SGPL1: variants seen among roughly 807,000 people sequenced by gnomAD.
SGPL1 encodes the protein sphingosine-1-phosphate lyase 1, also known as SP-lyase 1.
In SGPL1, 37 loss-of-function variants were observed where a neutral mutation model predicts 68.9. The ratio of observed to expected loss-of-function variants is 0.54; its 90% CI spans 0.41 to 0.71. SGPL1 has a LOEUF of 0.71. Ranked by LOEUF, SGPL1 falls within the 30% of genes least tolerant of loss-of-function variation. SGPL1 has a pLI of 0.00. For synonymous variants in SGPL1, 236 were observed against 248.5 expected (o/e 0.95, Z 0.47); for missense variants, 551 against 704.6 (o/e 0.78, Z 2.47).
chr10:70,816,315 G>T (rs1277607046), intron 1 of SGPL1, among the ~76,000 whole-genome samples, 189 bp downstream of exon 1: 1 of 151,458 alleles, frequency 6.6e-6, no homozygotes, highest in Non-Finnish European at 1.5e-5. Context: ...AGTGGACGGC[G>T]GGCGGGCGCG....
chr10:70,871,236 T>A (rs1846290351), intron 10 of SGPL1, 90 bp downstream of exon 10: 2 of 816,666 alleles, frequency 2.4e-6, no homozygotes, highest in South Asian at 3.6e-5. Context: ...AGAAGCGATT[T>A]TTTTTTTGTT....
intron 2 of SGPL1, among the ~76,000 whole-genome samples, chr10:70,819,627 C>CT (rs35734922): frequency 0.068 from 8,221 of 120,850 alleles, 600 homozygotes; most frequent in African/African-American, 0.15. Context: ...TGGGATGCAG[C>CT]TTTTTTTTTT....
At chr10:70,858,030 C>A (rs1162338590) in intron 6 of SGPL1, among the ~76,000 whole-genome samples, 3 of 152,216 alleles carry the variant, frequency 2.0e-5, no homozygotes, top group Non-Finnish European at 4.4e-5. Flanking sequence ...GAAACTCTTT[C>A]ATAATTTTCT....
At chr10:70,827,277 T>A (rs1010410642) in intron 2 of SGPL1, among the ~76,000 whole-genome samples, 1 of 152,234 alleles carries the variant, frequency 6.6e-6, no homozygotes, top group Admixed American at 6.5e-5. Context: ...TGTGGTTAAG[T>A]ACCCTTTTCA....
chr10:70,858,719 C>T (rs827256), intron 6 of SGPL1, among the ~76,000 whole-genome samples: 150,300 of 152,318 alleles, frequency 0.99, 74,189 homozygotes, highest in Middle Eastern at 1. Context: ...TACTTCTCTT[C>T]ATTTCCCACA....
chr10:70,847,355 G>T (rs959798713), intron 3 of SGPL1, among the ~76,000 whole-genome samples: 3 of 152,000 alleles, frequency 2.0e-5, no homozygotes, highest in Admixed American at 1.3e-4. Flanking sequence ...CGCCATGTTG[G>T]CCAGGCTGGT....
intron 4 of SGPL1, 73 bp from the exon 5 acceptor site, chr10:70,854,635 G>T: frequency 7.3e-7 from 1 of 1,365,892 alleles, no homozygotes; most frequent in East Asian, 2.3e-5. Flanking sequence ...GCAGTTGCTT[G>T]ACTGTCATAA....
intron 4 of SGPL1, among the ~76,000 whole-genome samples, chr10:70,853,814 C>T (rs1338564237): frequency 1.3e-5 from 2 of 152,238 alleles, no homozygotes; most frequent in Admixed American, 6.5e-5. Flanking sequence ...ACAGTGCAAG[C>T]TGTCGACAGC....
chr10:70,863,493 A>T (rs1383348657), intron 7 of SGPL1, among the ~76,000 whole-genome samples: 1 of 151,410 alleles, frequency 6.6e-6, no homozygotes, highest in African/African-American at 2.4e-5. Flanking sequence ...TATTTTATTT[A>T]TTTATTTTTT....
rs374076282 is a variant in SGPL1 at position 70,877,285 on chromosome 10, G to A, written c.1657G>A (p.Asp553Asn). ...SVFLDSLYST[D>N]TVTQGSQMNG... ...CTTCTTGGACAGCTTGTACAGCACCGACACTGTCACCCAGGGCAGCCAGAT... is the reference window on the plus strand; with the variant it reads ...CTTCTTGGACAGCTTGTACAGCACCAACACTGTCACCCAGGGCAGCCAGAT... Residue 553 changes from aspartate (D) to asparagine (N), a missense_variant, in exon 15 of 15, where the codon GAC (aspartate) becomes AAC (asparagine). By Grantham distance (23) the Asp-to-Asn change is conservative. Coordinates refer to ENST00000373202, the MANE Select transcript of SGPL1 (RefSeq NM_003901.4). 59 of 1,613,998 alleles carry A rather than the reference G, an allele frequency of 3.7e-5. No individual in the cohort carries two copies. Among genetic ancestry groups the A allele is most frequent in the Non-Finnish European group, 4.5e-5 (53 of 1,179,998 alleles).
chr10:70,837,457 T>C (rs1845643881), intron 2 of SGPL1, among the ~76,000 whole-genome samples: 1 of 152,208 alleles, frequency 6.6e-6, no homozygotes, highest in African/African-American at 2.4e-5. Flanking sequence ...AAATTAGTTT[T>C]ATTCCCTCTG....
Position 70,851,196 on chromosome 10 carries a change from A to T in SGPL1, c.247A>T (p.Ile83Phe), listed in dbSNP as rs769814262. 1.2e-6 allele frequency: 2 copies of T among 1,613,442 alleles called. No homozygotes were observed. Among genetic ancestry groups the T allele is most frequent in the South Asian group, 2.2e-5 (2 of 91,070 alleles). Residue 83 changes from isoleucine (I) to phenylalanine (F), a missense_variant, in exon 4 of 15, where the codon ATT becomes TTT. Coordinates refer to ENST00000373202, the MANE Select transcript of SGPL1 (RefSeq NM_003901.4). ...KCFKLTRKMPIIGRKIQDKLN... is the reference protein window; with the variant it reads ...KCFKLTRKMPFIGRKIQDKLN... ...TTTTAAGCTCACCAGGAAGATGCCC[A>T]TTATTGGTCGTAAGGTAAGTAGAAT...
intron 4 of SGPL1, among the ~76,000 whole-genome samples, chr10:70,854,387 C>G (rs913137137): frequency 6.6e-6 from 1 of 152,076 alleles, no homozygotes; most frequent in African/African-American, 2.4e-5. Flanking sequence ...GTTGGCCAGG[C>G]TGGTCTCGAA....
At chr10:70,862,423 C>G (rs572783097) in intron 7 of SGPL1, among the ~76,000 whole-genome samples, 1 of 152,234 alleles carries the variant, frequency 6.6e-6, no homozygotes, top group South Asian at 2.1e-4. Flanking sequence ...GACCACTTGG[C>G]TCTACCAATC....
At chr10:70,820,545 C>A (rs976568390) in intron 2 of SGPL1, 2 of 152,052 alleles carry the variant, frequency 1.3e-5, no homozygotes, top group African/African-American at 4.8e-5. Flanking sequence ...GAGGCTCAGG[C>A]GGGCAGAGTA....
At chr10:70,822,827 C>G (rs566651796) in intron 2 of SGPL1, among the ~76,000 whole-genome samples, 61 of 148,236 alleles carry the variant, frequency 4.1e-4, no homozygotes, top group Non-Finnish European at 7.0e-4. Flanking sequence ...GGCAATTTCA[C>G]TGAAGCTTTT....
In SGPL1 at chr10:70,845,757, T is replaced by G. The variant is rs528816533; in HGVS notation, c.193+1119T>G. Among the ~76,000 whole-genome samples, 74 of 152,182 alleles carry G rather than the reference T, an allele frequency of 4.9e-4. No homozygotes were observed. In the South Asian group the frequency reaches 0.015, roughly 32 times the overall value. Reference sequence around the variant, plus strand: ...TTTGGTGCTGGATGTTCTATAACACTCCCCTGCACCTTTTCCCCACTCTTA... The same window carrying G: ...TTTGGTGCTGGATGTTCTATAACACGCCCCTGCACCTTTTCCCCACTCTTA... On this transcript the variant is annotated intron_variant, in intron 3 of 14. Coordinates refer to ENST00000373202, the MANE Select transcript of SGPL1 (RefSeq NM_003901.4).
At chr10:70,862,983 T>G (rs1326166763) in intron 7 of SGPL1, among the ~76,000 whole-genome samples, 2 of 152,138 alleles carry the variant, frequency 1.3e-5, no homozygotes, top group Non-Finnish European at 2.9e-5. Context: ...AGTTCTCCTT[T>G]TATTTTATTA....
intron 7 of SGPL1, among the ~76,000 whole-genome samples, chr10:70,862,102 T>C (rs1319263102): frequency 6.6e-6 from 1 of 152,054 alleles, no homozygotes; most frequent in East Asian, 1.9e-4. Flanking sequence ...CGGGATCCAC[T>C]GGGTGAAGCC....
Sources: allele counts gnomAD v4.1 joint callset (sites outside exome capture counted in the v4.1 genomes callset), GRCh38; gene constraint gnomAD v4.1.1; transcripts MANE v1.5; gene names NCBI Gene and HGNC (gene_info 2026-07-23, HGNC 2026-07-21).